The following EIF2AK4 variants were observed in gnomAD, a reference collection of about 807,000 sequenced individuals.
EIF2AK4 encodes the protein eIF-2-alpha kinase GCN2.
EIF2AK4 carries 139 observed loss-of-function variants against 211.1 expected under a neutral mutation model. That is an observed-to-expected ratio of 0.66 (90% CI 0.57 to 0.76). EIF2AK4 has a LOEUF of 0.76. EIF2AK4 is among the 30% of genes least tolerant of loss of function. The pLI is 0.00. For missense variants in EIF2AK4, 1,664 were observed against 2,043.8 expected, an observed-to-expected ratio of 0.81 and a Z score of 3.58; for synonymous variants, 710 against 751.3, an observed-to-expected ratio of 0.94 and a Z score of 0.90.
chr15:39,995,451 C>T (rs1210036532), intron 18 of EIF2AK4, among the ~76,000 whole-genome samples: 2 of 152,202 alleles, frequency 1.3e-5, no homozygotes, highest in Non-Finnish European at 2.9e-5. Flanking sequence ...TGACCATGTG[C>T]AGTCTTTTCC....
intron 23 of EIF2AK4, among the ~76,000 whole-genome samples, chr15:40,006,384 T>C (rs2035162904): frequency 6.6e-6 from 1 of 152,196 alleles, no homozygotes; most frequent in Non-Finnish European, 1.5e-5. Flanking sequence ...CTCTAAATAT[T>C]AGGAGACTAA....
intron 7 of EIF2AK4, among the ~76,000 whole-genome samples, chr15:39,963,592 ATATT>A (rs2034502941): frequency 6.6e-6 from 1 of 152,188 alleles, no homozygotes; most frequent in Non-Finnish European, 1.5e-5. Context: ...ATAAAAAACA[ATATT>A]TGTTTTTCAT....
At position 40,002,412 on chromosome 15, in the gene EIF2AK4, G is replaced by C. The variant is rs1014147851; in HGVS notation, c.3160-301G>C. The stretch of plus-strand genomic sequence containing the variant: ...CGCCACAGTATCCCTGAGAGTCAGA[G>C]AGAATGTGTTTATTTGATTATCTCC... On this transcript the variant is annotated intron_variant, in intron 21 of 38. Transcript: ENST00000263791. 2.6e-5 allele frequency: 8 copies of C among 303,558 alleles called. No homozygotes were observed. In the South Asian group the frequency reaches 3.3e-4, roughly 12 times the overall value. 18.8% of individuals were successfully genotyped at this position (303,558 alleles called of 1,614,324 possible).
chr15:40,001,820 G>A (rs1266782533), intron 21 of EIF2AK4, among the ~76,000 whole-genome samples: 2 of 152,036 alleles, frequency 1.3e-5, no homozygotes, highest in African/African-American at 2.4e-5. Context: ...AGCCCATCTA[G>A]TGGCTCAGAA....
At chr15:40,026,940 TTC>T (rs2035473021) in intron 33 of EIF2AK4, among the ~76,000 whole-genome samples, 1 of 152,208 alleles carries the variant, frequency 6.6e-6, no homozygotes. Context: ...ATAACAGCAG[TTC>T]TCAAACTTTT....
At chr15:40,029,999 T>A (rs1047534012) in intron 34 of EIF2AK4, among the ~76,000 whole-genome samples, 1 of 152,228 alleles carries the variant, frequency 6.6e-6, no homozygotes, top group African/African-American at 2.4e-5. Context: ...ACTAACTTTG[T>A]GTTGCCATCA....
chr15:39,947,166 C>G (rs1247959338), intron 3 of EIF2AK4, among the ~76,000 whole-genome samples: 1 of 152,116 alleles, frequency 6.6e-6, no homozygotes, highest in African/African-American at 2.4e-5. Context: ...TCTTGTTTAT[C>G]TAAAATTCAT....
In EIF2AK4 at chr15:39,940,158, C is replaced by T. The variant is rs888837218; in HGVS notation, c.257+541C>T. Among the ~76,000 whole-genome samples the T allele has an allele frequency of 2.6e-5, 4 of 152,346 alleles. No homozygotes were observed. The Middle Eastern group carries it at 0.01, about 389-fold the overall frequency. On this transcript the variant is annotated intron_variant, in intron 2 of 38. Coordinates refer to ENST00000263791, the MANE Select transcript of EIF2AK4 (RefSeq NM_001013703.4). ...CCCTGGCCCCCACCTACCAATGCCACGAGTGTCCTCCAGGCATTGAAACAA... is the reference window on the plus strand; with the variant it reads ...CCCTGGCCCCCACCTACCAATGCCATGAGTGTCCTCCAGGCATTGAAACAA...
At chr15:39,979,471 C>T (rs2034749723) in intron 13 of EIF2AK4, among the ~76,000 whole-genome samples, 1 of 152,192 alleles carries the variant, frequency 6.6e-6, no homozygotes, top group African/African-American at 2.4e-5. Flanking sequence ...TGGCATCCCT[C>T]ATACTTTGTA....
At chr15:40,014,924 C>G (rs1430976495) in intron 27 of EIF2AK4, among the ~76,000 whole-genome samples, 2 of 152,200 alleles carry the variant, frequency 1.3e-5, no homozygotes, top group African/African-American at 4.8e-5. Context: ...TCATCTCCCT[C>G]AAGTTCAAAG....
intron 33 of EIF2AK4, 141 bp from the exon 34 acceptor site, chr15:40,029,265 T>C: frequency 6.5e-6 from 9 of 1,374,118 alleles, no homozygotes; most frequent in Non-Finnish European, 7.5e-6. Context: ...ATTTTTTGTT[T>C]TTGTTTTTCC....
chr15:40,025,529 A>C (rs1267552809), intron 32 of EIF2AK4, among the ~76,000 whole-genome samples: 8 of 152,144 alleles, frequency 5.3e-5, no homozygotes, highest in Admixed American at 2.0e-4. Context: ...TTGGGTTTAG[A>C]AAGGAGAGGG....
intron 35 of EIF2AK4, among the ~76,000 whole-genome samples, 177 bp downstream of exon 35, chr15:40,030,633 C>T (rs148564397): frequency 1.4e-4 from 21 of 152,302 alleles, no homozygotes; most frequent in African/African-American, 4.8e-4. Context: ...TCCCATCTGT[C>T]CTTCAGAGAG....
chr15:39,945,014 A>T (rs1689608), intron 3 of EIF2AK4, among the ~76,000 whole-genome samples: 1 of 152,092 alleles, frequency 6.6e-6, no homozygotes, highest in Non-Finnish European at 1.5e-5. Flanking sequence ...TAGGCCTTGG[A>T]AATGATTCCA....
At chr15:40,026,136 A>G (rs551871077) in intron 33 of EIF2AK4, 47 bp downstream of exon 33, 1 of 1,480,392 alleles carries the variant, frequency 6.8e-7, no homozygotes, top group African/African-American at 1.4e-5. Flanking sequence ...AGTTACCTAT[A>G]TGGAAACTAC....
At chr15:39,997,102 A>G (rs202167959) in intron 19 of EIF2AK4, 37 bp downstream of exon 19, 18 of 1,400,020 alleles carry the variant, frequency 1.3e-5, no homozygotes, top group Middle Eastern at 1.8e-4. Context: ...CATTTTCAGT[A>G]ACCGGAATCT....
intron 8 of EIF2AK4, 136 bp from the exon 9 acceptor site, chr15:39,967,208 C>A: frequency 2.1e-6 from 2 of 970,998 alleles, no homozygotes; most frequent in Non-Finnish European, 2.9e-6. Flanking sequence ...TATTTTCTAT[C>A]AAATACTTCA....
At chr15:40,001,363 A>ATG in intron 21 of EIF2AK4, 139 bp downstream of exon 21, 2 of 782,552 alleles carry the variant, frequency 2.6e-6, no homozygotes, top group Non-Finnish European at 4.1e-6. Flanking sequence ...TACATGCAAA[A>ATG]TGTGTGTATA....
intron 3 of EIF2AK4, among the ~76,000 whole-genome samples, chr15:39,947,347 T>C (rs941356875): frequency 7.9e-5 from 12 of 152,208 alleles, no homozygotes; most frequent in Non-Finnish European, 1.5e-4. Flanking sequence ...CATTTAATTA[T>C]TTGAATGGAA....
Sources: allele counts gnomAD v4.1 joint callset (sites outside exome capture counted in the v4.1 genomes callset), GRCh38; gene constraint gnomAD v4.1.1; transcripts MANE v1.5; gene names NCBI Gene and HGNC (gene_info 2026-07-23, HGNC 2026-07-21).